The following CFAP61 variants were observed in gnomAD, a reference collection of about 807,000 sequenced individuals.
CFAP61 encodes cilia and flagella associated protein 61, also known as cilia- and flagella-associated protein 61.
CFAP61 carries 107 observed loss-of-function variants against 135.6 expected under a neutral mutation model. The observed-to-expected ratio is 0.79, with a 90% CI of 0.67 to 0.93. The LOEUF is 0.93. Among genes scored for constraint, CFAP61 ranks in the 40% least tolerant of loss-of-function variants. The pLI, the probability that CFAP61 is intolerant of heterozygous loss-of-function variation, is 0.00. For synonymous variants in CFAP61, 575 were observed against 578.5 expected (o/e 0.99, Z 0.09); for missense variants, 1,507 against 1,556.2 (o/e 0.97, Z 0.53).
intron 26 of CFAP61, among the ~76,000 whole-genome samples, chr20:20,354,864 C>CTG (rs1197070864): frequency 2.4e-5 from 1 of 41,362 alleles, no homozygotes; most frequent in African/African-American, 6.9e-5. Context: ...TGTGGTCACA[C>CTG]TGAGAGGGGA....
chr20:20,121,133 G>T (rs2049590982), intron 8 of CFAP61, among the ~76,000 whole-genome samples: 2 of 143,226 alleles, frequency 1.4e-5, no homozygotes, highest in Non-Finnish European at 3.0e-5. Flanking sequence ...TTGAGACAGG[G>T]TCTCCCTCTG....
chr20:20,204,885 C>T (rs918098055), intron 17 of CFAP61, among the ~76,000 whole-genome samples: 7 of 152,304 alleles, frequency 4.6e-5, no homozygotes, highest in African/African-American at 1.7e-4. Context: ...AGCCACTTCC[C>T]AGCCAGTTCC....
chr20:20,137,326 C>A (rs532917581), intron 8 of CFAP61, among the ~76,000 whole-genome samples: 1 of 152,190 alleles, frequency 6.6e-6, no homozygotes, highest in East Asian at 1.9e-4. Context: ...TATGTCCTTC[C>A]CTTAAGGGCA....
chr20:20,096,820 G>A (rs2047612024), intron 7 of CFAP61, among the ~76,000 whole-genome samples: 2 of 152,142 alleles, frequency 1.3e-5, no homozygotes, highest in Admixed American at 1.3e-4. Flanking sequence ...CTTGTTATTT[G>A]GGAAAAAAAT....
intron 1 of CFAP61, among the ~76,000 whole-genome samples, chr20:20,054,396 GATATAT>G (rs34409266): frequency 7.1e-6 from 1 of 140,254 alleles, no homozygotes; most frequent in Non-Finnish European, 1.6e-5. Context: ...ATGAGCTAGG[GATATAT>G]ATATATATAT....
At chr20:20,086,018 G>C (rs1012641156) in intron 6 of CFAP61, among the ~76,000 whole-genome samples, 1 of 152,190 alleles carries the variant, frequency 6.6e-6, no homozygotes, top group Non-Finnish European at 1.5e-5. Context: ...ACAAACACTT[G>C]CTAAGGACTT....
intron 18 of CFAP61, among the ~76,000 whole-genome samples, chr20:20,241,389 T>G (rs2050003862): frequency 6.6e-6 from 1 of 151,992 alleles, no homozygotes. Context: ...AGAAAAAGAG[T>G]GGAAACCTGT....
intron 6 of CFAP61, among the ~76,000 whole-genome samples, chr20:20,084,585 C>G (rs1419985259): frequency 3.3e-5 from 5 of 152,152 alleles, no homozygotes; most frequent in African/African-American, 1.2e-4. Flanking sequence ...AGTGCAGCAG[C>G]CAGGCTGTGG....
chr20:20,348,689 CAAAAAAAAAAAA>C (rs71198052), intron 26 of CFAP61, among the ~76,000 whole-genome samples: 1 of 53,462 alleles, frequency 1.9e-5, no homozygotes, highest in Non-Finnish European at 3.2e-5. Context: ...GACTCCGTAT[CAAAAAAAAAAAA>C]AAAAAAAAAA....
intron 24 of CFAP61, among the ~76,000 whole-genome samples, chr20:20,292,042 G>A (rs936574824): frequency 2.0e-5 from 3 of 152,246 alleles, no homozygotes; most frequent in African/African-American, 7.2e-5. Context: ...GTAAGCAGAA[G>A]CTCTTGGAAA....
intron 7 of CFAP61, chr20:20,094,287 T>C (rs926379527): frequency 6.6e-6 from 1 of 152,202 alleles, no homozygotes; most frequent in Admixed American, 6.5e-5. Flanking sequence ...AGGCTAGCCA[T>C]AGAAGGGAGG....
At chr20:20,090,525 A>C (rs1255852567) in intron 6 of CFAP61, among the ~76,000 whole-genome samples, 1 of 151,978 alleles carries the variant, frequency 6.6e-6, no homozygotes, top group East Asian at 1.9e-4. Context: ...CCCTATCTCT[A>C]CTAAAAATAC....
At chr20:20,194,291 C>T (rs1166110111) in intron 15 of CFAP61, among the ~76,000 whole-genome samples, 1 of 152,152 alleles carries the variant, frequency 6.6e-6, no homozygotes, top group Non-Finnish European at 1.5e-5. Flanking sequence ...TTCCAAATCT[C>T]TAATTCTTCA....
In CFAP61 at chr20:20,095,941, C is replaced by T. The variant is rs148466142; in HGVS notation, c.700-2714C>T. 2.0e-5 allele frequency among the ~76,000 whole-genome samples: 3 copies of T among 152,230 alleles called. No individual in the cohort carries two copies. The East Asian group carries it at 5.8e-4, about 29-fold the overall frequency. On this transcript the variant is annotated intron_variant, in intron 7 of 26. Transcript: ENST00000245957. The stretch of plus-strand genomic sequence containing the variant: ...AATGGACCTGTTTGGGAAGACAAGG[C>T]CACAGTACACATAGTTTTCTAGCAA...
At chr20:20,343,780 A>T (rs1199650016) in intron 26 of CFAP61, among the ~76,000 whole-genome samples, 1 of 152,196 alleles carries the variant, frequency 6.6e-6, no homozygotes, top group Non-Finnish European at 1.5e-5. Flanking sequence ...TTGTGCACAA[A>T]GCCAGGGGGT....
intron 9 of CFAP61, 100 bp from the exon 10 acceptor site, chr20:20,159,270 T>A: frequency 9.4e-7 from 1 of 1,067,124 alleles, no homozygotes; most frequent in South Asian, 1.3e-5. Flanking sequence ...CAGTAAGCTG[T>A]AGAGCCAGGG....
At chr20:20,059,757 C>G (rs1262824886) in intron 2 of CFAP61, among the ~76,000 whole-genome samples, 1 of 152,072 alleles carries the variant, frequency 6.6e-6, no homozygotes, top group Non-Finnish European at 1.5e-5. Flanking sequence ...TTCATAGACA[C>G]AGTTGAAGAC....
chr20:20,272,839 T>C (rs1475882178), intron 21 of CFAP61, among the ~76,000 whole-genome samples: 1 of 152,146 alleles, frequency 6.6e-6, no homozygotes, highest in Non-Finnish European at 1.5e-5. Context: ...TCCTTCTTGA[T>C]TCAGCCCAAA....
chr20:20,117,975 G>T (rs1011241976), intron 8 of CFAP61, among the ~76,000 whole-genome samples: 2 of 152,070 alleles, frequency 1.3e-5, no homozygotes, highest in African/African-American at 4.8e-5. Flanking sequence ...TATTAGTTCT[G>T]ACAGATTTTT....
Sources: allele counts gnomAD v4.1 joint callset (sites outside exome capture counted in the v4.1 genomes callset), GRCh38; gene constraint gnomAD v4.1.1; transcripts MANE v1.5; gene names NCBI Gene and HGNC (gene_info 2026-07-23, HGNC 2026-07-21).